SNTN: variants seen among roughly 807,000 people sequenced by gnomAD.
SNTN encodes sentan, cilia apical structure protein.
Under a neutral mutation model 12.3 loss-of-function variants are expected in SNTN, and 13 were observed. The observed-to-expected ratio is 1.05, with a 90% CI of 0.69 to 1.67. The LOEUF is 1.67. SNTN is among the 40% of genes most tolerant of loss of function. The pLI, the probability that SNTN is intolerant of heterozygous loss-of-function variation, is 0.00. For synonymous variants in SNTN, 69 were observed against 58.5 expected, an observed-to-expected ratio of 1.18 and a Z score of -0.82; for missense variants, 189 against 169.8, an observed-to-expected ratio of 1.11 and a Z score of -0.63.
chr3:63,653,745 A>G (rs1405679490), intron 1 of SNTN, among the ~76,000 whole-genome samples: 1 of 152,292 alleles, frequency 6.6e-6, no homozygotes, highest in South Asian at 2.1e-4. Context: ...CCCCTTTTCT[A>G]TCTACTTCTG....
rs1049176487 is a variant in SNTN, at chr3:63,664,592, G to T, written c.*497G>T. ...ATAAGGGCTATAGGATGCTAAAAGA[G>T]ATTATCACCTGATCGGAGTTCAAAG... On this transcript the variant is annotated 3_prime_UTR_variant, in exon 4 of 4. Coordinates refer to ENST00000343837, the MANE Select transcript of SNTN (RefSeq NM_001080537.2). 6.6e-6 allele frequency: 1 copy of T among 151,580 alleles called. No individual in the cohort carries two copies. The highest frequency in any genetic ancestry group is 2.4e-5 in the African/African-American group (1 of 41,184). The allele number at this position is 151,580 out of a possible 1,614,324, so 9.4% of individuals were successfully genotyped here.
intron 2 of SNTN, among the ~76,000 whole-genome samples, chr3:63,656,712 T>C (rs2106939718): frequency 6.6e-6 from 1 of 152,100 alleles, no homozygotes; most frequent in East Asian, 1.9e-4. Context: ...ATAAACAGAG[T>C]GTTTCAGTTT....
intron 2 of SNTN, among the ~76,000 whole-genome samples, chr3:63,655,050 T>C (rs1039695156): frequency 1.3e-5 from 2 of 152,162 alleles, no homozygotes; most frequent in Non-Finnish European, 2.9e-5. Flanking sequence ...GGCTCCTAAT[T>C]CAGCGTTCTT....
chr3:63,655,634 C>T (rs1020064783), intron 2 of SNTN, among the ~76,000 whole-genome samples: 1 of 152,076 alleles, frequency 6.6e-6, no homozygotes, highest in Non-Finnish European at 1.5e-5. Flanking sequence ...TCACCTCCAC[C>T]ACACACCCAC....
At chr3:63,663,824 A>T (rs1451211288) in intron 3 of SNTN, 113 bp from the exon 4 acceptor site, 13 of 1,318,582 alleles carry the variant, frequency 9.9e-6, no homozygotes, top group African/African-American at 1.5e-5. Flanking sequence ...TAAATCACTC[A>T]GTCTCAGGTA....
intron 1 of SNTN, among the ~76,000 whole-genome samples, chr3:63,654,013 T>C (rs183657230): frequency 2.0e-5 from 3 of 152,320 alleles, no homozygotes; most frequent in African/African-American, 7.2e-5. Context: ...GCTTCCTCCT[T>C]CTTCACTACT....
chr3:63,659,598 C>T, intron 2 of SNTN, 127 bp from the exon 3 acceptor site: 1 of 1,030,856 alleles, frequency 9.7e-7, no homozygotes, highest in Non-Finnish European at 1.4e-6. Context: ...CATCCTTCTC[C>T]CAGATAGGAG....
chr3:63,656,024 T>A (rs752587374), intron 2 of SNTN, among the ~76,000 whole-genome samples: 4 of 152,228 alleles, frequency 2.6e-5, no homozygotes, highest in Non-Finnish European at 5.9e-5. Flanking sequence ...TTTTTAGTTC[T>A]GATATATACT....
At chr3:63,656,503 C>T (rs1267272202) in intron 2 of SNTN, among the ~76,000 whole-genome samples, 2 of 152,020 alleles carry the variant, frequency 1.3e-5, no homozygotes, top group Non-Finnish European at 1.5e-5. Context: ...TGTAAAATAT[C>T]CCAATAATTT....
Position 63,662,014 on chromosome 3 carries a change from A to G in SNTN, c.286-1923A>G, listed in dbSNP as rs1326839591. ...TCTCTCAGTGTAGGCTAAACCCTAG[A>G]AGTACAGCCAATTTCTGGATCTCTC... On this transcript the variant is annotated intron_variant, in intron 3 of 3. Coordinates refer to ENST00000343837, the MANE Select transcript of SNTN (RefSeq NM_001080537.2). Among the ~76,000 whole-genome samples the G allele has an allele frequency of 2.6e-5, 4 of 152,154 alleles. No individual in the cohort carries two copies. The East Asian group carries it at 5.8e-4, about 22-fold the overall frequency.
intron 3 of SNTN, among the ~76,000 whole-genome samples, chr3:63,660,459 G>C (rs1257144026): frequency 2.0e-5 from 3 of 152,014 alleles, no homozygotes; most frequent in South Asian, 2.1e-4. Flanking sequence ...GGTGGAATAG[G>C]AAAAAAGGGA....
At chr3:63,656,496 A>G (rs1221061988) in intron 2 of SNTN, among the ~76,000 whole-genome samples, 1 of 152,202 alleles carries the variant, frequency 6.6e-6, no homozygotes, top group African/African-American at 2.4e-5. Flanking sequence ...AAAAAAATGT[A>G]AAATATCCCA....
intron 1 of SNTN, among the ~76,000 whole-genome samples, chr3:63,654,447 A>G (rs544866113): frequency 3.9e-5 from 6 of 152,214 alleles, no homozygotes; most frequent in Admixed American, 3.9e-4. Context: ...GAATGGGGAA[A>G]AGCATGGAGG....
Position 63,665,127 on chromosome 3 carries a change from T to A in SNTN, c.*1032T>A, listed in dbSNP as rs931698085. 4.6e-5 allele frequency among the ~76,000 whole-genome samples: 7 copies of A among 152,166 alleles called. No individual in the cohort carries two copies. Among genetic ancestry groups the A allele is most frequent in the Non-Finnish European group, 1.0e-4 (7 of 68,034 alleles). ...TGGTGGCTACAAGATTGCATGCATT[T>A]GTCAAACTCATAGAACTGCACACTG... On this transcript the variant is annotated 3_prime_UTR_variant, in exon 4 of 4. Transcript: ENST00000343837.
intron 3 of SNTN, among the ~76,000 whole-genome samples, chr3:63,660,978 C>T (rs548018501): frequency 6.6e-6 from 1 of 152,320 alleles, no homozygotes; most frequent in African/African-American, 2.4e-5. Context: ...ATTTTTCCCA[C>T]AACTGCCTAT....
intron 1 of SNTN, among the ~76,000 whole-genome samples, chr3:63,653,302 C>G (rs902904319): frequency 6.6e-6 from 1 of 151,940 alleles, no homozygotes; most frequent in Non-Finnish European, 1.5e-5. Flanking sequence ...AAGGGTCTCA[C>G]AGACCCTTGA....
At chr3:63,661,825 G>T (rs1559561616) in intron 3 of SNTN, among the ~76,000 whole-genome samples, 1 of 151,976 alleles carries the variant, frequency 6.6e-6, no homozygotes, top group Non-Finnish European at 1.5e-5. Context: ...ACAGAAAGGG[G>T]GCTCATTACC....
chr3:63,659,859 G>T lies in SNTN; in HGVS notation c.280G>T (p.Ala94Ser). Residue 94 changes from alanine to serine, a missense_variant, in exon 3 of 4, where the codon GCA (alanine) becomes TCA (serine). Coordinates refer to ENST00000343837, the MANE Select transcript of SNTN (RefSeq NM_001080537.2). ...GCTGCAAACCCAATTTAGGAATTTCGCAGAGGTGAGAGAATTAACTTGCAT... is the reference window on the plus strand; with the variant it reads ...GCTGCAAACCCAATTTAGGAATTTCTCAGAGGTGAGAGAATTAACTTGCAT... ...DLLQTQFRNF[A>S]EGQETKPKYR... is the part of the protein sequence containing the mutation. The T allele has an allele frequency of 6.2e-7, 1 of 1,613,674 alleles. No individual in the cohort carries two copies. Among genetic ancestry groups the T allele is most frequent in the Non-Finnish European group, 8.5e-7 (1 of 1,179,842 alleles).
intron 1 of SNTN, among the ~76,000 whole-genome samples, chr3:63,653,481 G>T (rs372509291): frequency 6.6e-5 from 10 of 152,082 alleles, no homozygotes; most frequent in Admixed American, 4.6e-4. Context: ...GATAACACAG[G>T]GTCCAGCTTT....
Sources: gnomAD v4.1 joint callset for allele counts (sites outside exome capture counted in the v4.1 genomes callset) on GRCh38, gnomAD v4.1.1 for gene constraint, MANE v1.5 for transcripts, NCBI Gene and HGNC (gene_info 2026-07-23, HGNC 2026-07-21) for gene names.